Variants in FBXL13 observed in about 807,000 individuals in gnomAD.
The protein encoded by FBXL13 is F-box and leucine-rich repeat protein 13.
In FBXL13, 67 loss-of-function variants were observed where a neutral mutation model predicts 83.6. The observed-to-expected ratio is 0.80, with a 90% CI of 0.66 to 0.98. The LOEUF is 0.98. Among genes scored for constraint, FBXL13 ranks in the 50% least tolerant of loss-of-function variants. The probability of loss-of-function intolerance (pLI) is 0.00; values close to 1 mark genes in which losing one functional copy is unlikely to be tolerated. For synonymous variants in FBXL13, 272 were observed against 299.5 expected (o/e 0.91, Z 0.95); for missense variants, 822 against 866.5 (o/e 0.95, Z 0.64).
intron 10 of FBXL13, among the ~76,000 whole-genome samples, chr7:102,921,007 C>T (rs995549889): frequency 1.3e-5 from 2 of 151,852 alleles, no homozygotes; most frequent in African/African-American, 4.8e-5. Flanking sequence ...CAAATATTAG[C>T]CTGGCGTGGT....
At chr7:102,902,235 T>A (rs1241433400) in intron 11 of FBXL13, among the ~76,000 whole-genome samples, 3 of 152,228 alleles carry the variant, frequency 2.0e-5, no homozygotes, top group Non-Finnish European at 4.4e-5. Context: ...TATGTTTTCT[T>A]TGAGAAATGT....
chr7:102,868,367 AT>A (rs1388779675), intron 16 of FBXL13, among the ~76,000 whole-genome samples: 1 of 151,762 alleles, frequency 6.6e-6, no homozygotes, highest in African/African-American at 2.4e-5. Context: ...CTTCTATGAG[AT>A]CCCCTTTTTT....
At chr7:102,939,531 C>A in intron 8 of FBXL13, 1 of 1,613,996 alleles carries the variant, frequency 6.2e-7, no homozygotes, top group South Asian at 1.1e-5. Context: ...TGAAGATGTT[C>A]ATGAGCTGAA....
intron 17 of FBXL13, among the ~76,000 whole-genome samples, chr7:102,849,064 A>G (rs2129450662): frequency 6.6e-6 from 1 of 152,324 alleles, no homozygotes; most frequent in African/African-American, 2.4e-5. Flanking sequence ...ACAACTTATT[A>G]AGATGGAACT....
chr7:102,992,094 G>A lies in FBXL13; in HGVS notation c.496-23977C>T, dbSNP rs748861925. ...TATCCTAATGCTCTTAGAGAAATCT[G>A]TCTACCTCCAGACTTCATCCAACCC... is the stretch of plus-strand genomic sequence containing the variant. On this transcript the variant is annotated intron_variant, in intron 6 of 19. Transcript: ENST00000313221. 2.6e-5 allele frequency among the ~76,000 whole-genome samples: 4 copies of A among 152,018 alleles called. No individual in the cohort carries two copies. In the South Asian group the frequency reaches 8.3e-4, roughly 32 times the overall value.
At chr7:102,948,448 G>C (rs1470635127) in intron 8 of FBXL13, among the ~76,000 whole-genome samples, 1 of 151,884 alleles carries the variant, frequency 6.6e-6, no homozygotes, top group African/African-American at 2.4e-5. Context: ...TTTTGACACA[G>C]AGTCTCGCTC....
intron 8 of FBXL13, chr7:102,933,758 T>G (rs1819678216): frequency 1.5e-6 from 1 of 669,830 alleles, no homozygotes; most frequent in Admixed American, 3.2e-5. Flanking sequence ...TTAATATATA[T>G]TTTTTTCTCT....
downstream of FBXL13, among the ~76,000 whole-genome samples, chr7:102,812,147 A>C (rs907399404): frequency 6.6e-6 from 1 of 152,220 alleles, no homozygotes; most frequent in Admixed American, 6.5e-5. Flanking sequence ...TGCGGCAGTC[A>C]GAACAGAGTT....
At chr7:103,074,433 C>T (rs903536419) in exon 1 of FBXL13, 2 of 1,105,250 alleles carry the variant, frequency 1.8e-6, no homozygotes, top group African/African-American at 3.2e-5. Flanking sequence ...CCGATCTGGG[C>T]CTTGTGCTCA....
At chr7:102,958,198 T>A (rs1824593650) in intron 8 of FBXL13, among the ~76,000 whole-genome samples, 1 of 152,148 alleles carries the variant, frequency 6.6e-6, no homozygotes, top group South Asian at 2.1e-4. Flanking sequence ...CATGGAATAC[T>A]ATGCAGCCAT....
At chr7:103,049,147 A>C (rs995070154) in intron 2 of FBXL13, among the ~76,000 whole-genome samples, 1 of 152,354 alleles carries the variant, frequency 6.6e-6, no homozygotes, top group East Asian at 1.9e-4. Flanking sequence ...ATCCTTTCTT[A>C]TATAAAATCT....
intron 1 of FBXL13, among the ~76,000 whole-genome samples, chr7:103,068,982 C>G (rs1170790099): frequency 6.6e-6 from 1 of 152,262 alleles, no homozygotes; most frequent in Admixed American, 6.5e-5. Flanking sequence ...TAAGGAGCAC[C>G]TCTGCCCAGC....
chr7:102,953,112 C>A (rs1823680493), intron 8 of FBXL13, among the ~76,000 whole-genome samples: 1 of 152,134 alleles, frequency 6.6e-6, no homozygotes, highest in Admixed American at 6.5e-5. Context: ...TCCTCAAATT[C>A]TTCCCAAAAA....
intron 1 of FBXL13, among the ~76,000 whole-genome samples, chr7:103,060,046 ATATATATATATATATATAC>A (rs1797737978): frequency 3.0e-5 from 3 of 100,356 alleles, no homozygotes; most frequent in South Asian, 3.1e-4. Flanking sequence ...ATATATATAT[ATATATATATATATATATAC>A]TTTTTTTTTT....
At chr7:102,955,107 T>A (rs1824041482) in intron 8 of FBXL13, among the ~76,000 whole-genome samples, 1 of 152,104 alleles carries the variant, frequency 6.6e-6, no homozygotes, top group African/African-American at 2.4e-5. Context: ...CAGCACCACA[T>A]CGCACTTATT....
At chr7:102,826,813 G>A (rs1449427315) in intron 18 of FBXL13, among the ~76,000 whole-genome samples, 3 of 123,744 alleles carry the variant, frequency 2.4e-5, no homozygotes, top group African/African-American at 8.6e-5. Context: ...TCTAATAAAT[G>A]TATCTTATAT....
intron 11 of FBXL13, among the ~76,000 whole-genome samples, chr7:102,887,414 TACAC>T (rs67686614): frequency 0.015 from 2,211 of 148,670 alleles, 49 homozygotes; most frequent in African/African-American, 0.05. Flanking sequence ...TATACATACA[TACAC>T]ACACACACAC....
intron 16 of FBXL13, among the ~76,000 whole-genome samples, chr7:102,860,214 A>T (rs1205914142): frequency 6.6e-6 from 1 of 152,174 alleles, no homozygotes; most frequent in Non-Finnish European, 1.5e-5. Context: ...AGTCACTATA[A>T]TGAGGTTCCT....
chr7:102,939,446 A>G, intron 8 of FBXL13: 1 of 1,605,684 alleles, frequency 6.2e-7, no homozygotes, highest in Middle Eastern at 1.7e-4. Flanking sequence ...AAAAAGTGCC[A>G]AACAACATCC....
Sources: gnomAD v4.1 joint callset for allele counts (sites outside exome capture counted in the v4.1 genomes callset) on GRCh38, gnomAD v4.1.1 for gene constraint, MANE v1.5 for transcripts, NCBI Gene and HGNC (gene_info 2026-07-23, HGNC 2026-07-21) for gene names.